Variants in PIK3C3 observed in about 807,000 individuals in gnomAD.
PIK3C3 encodes PI3-kinase type 3.
PIK3C3 carries 95 observed loss-of-function variants against 126.1 expected under a neutral mutation model. The observed-to-expected ratio is 0.75, with a 90% CI of 0.64 to 0.89. The LOEUF is 0.89. Ranked by LOEUF, PIK3C3 falls within the 40% of genes least tolerant of loss-of-function variation. PIK3C3 has a pLI of 0.00. For missense variants in PIK3C3, 829 were observed against 1,063.2 expected (o/e 0.78, Z 3.06); for synonymous variants, 374 against 360.0 (o/e 1.04, Z -0.44).
intron 16 of PIK3C3, among the ~76,000 whole-genome samples, chr18:42,037,466 A>C (rs1053191183): frequency 7.9e-5 from 12 of 152,174 alleles, no homozygotes; most frequent in Non-Finnish European, 1.0e-4. Flanking sequence ...TAACCACATG[A>C]CTGATTGCAG....
chr18:42,007,939 T>C (rs1010915169), intron 10 of PIK3C3, among the ~76,000 whole-genome samples: 1 of 152,322 alleles, frequency 6.6e-6, no homozygotes, highest in African/African-American at 2.4e-5. Flanking sequence ...AATGCTCTCA[T>C]TTATGTTTAA....
chr18:42,015,975 A>G (rs990117790), intron 12 of PIK3C3, among the ~76,000 whole-genome samples: 2 of 152,164 alleles, frequency 1.3e-5, no homozygotes, highest in Non-Finnish European at 1.5e-5. Flanking sequence ...ATATAAGTAG[A>G]CACATTTTTG....
At chr18:42,053,977 C>T (rs1174673721) in intron 21 of PIK3C3, among the ~76,000 whole-genome samples, 1 of 151,068 alleles carries the variant, frequency 6.6e-6, no homozygotes, top group Non-Finnish European at 1.5e-5. Flanking sequence ...TTTCTGTCTG[C>T]CTTGCCACTT....
At chr18:42,076,131 T>TATATATATGCAC (rs1568013638) in intron 24 of PIK3C3, among the ~76,000 whole-genome samples, 50 of 83,432 alleles carry the variant, frequency 6.0e-4, no homozygotes, top group East Asian at 1.2e-3. Context: ...TGCGCATATA[T>TATATATATGCAC]ATATATATAT....
At chr18:41,983,636 C>T (rs552476178) in intron 4 of PIK3C3, among the ~76,000 whole-genome samples, 3 of 152,074 alleles carry the variant, frequency 2.0e-5, no homozygotes, top group Non-Finnish European at 4.4e-5. Flanking sequence ...TTCTAATGAT[C>T]GTGGAAGTCT....
intron 24 of PIK3C3, among the ~76,000 whole-genome samples, chr18:42,076,744 A>G (rs1986049065): frequency 6.6e-6 from 1 of 152,212 alleles, no homozygotes; most frequent in South Asian, 2.1e-4. Flanking sequence ...TCATTCATAC[A>G]AATTTAATTT....
intron 13 of PIK3C3, among the ~76,000 whole-genome samples, chr18:42,023,947 T>A (rs1983440016): frequency 6.6e-6 from 1 of 152,170 alleles, no homozygotes; most frequent in Non-Finnish European, 1.5e-5. Context: ...ACAATCCTTT[T>A]AAAATGAATA....
chr18:41,977,910 G>A (rs1981009312), intron 4 of PIK3C3, among the ~76,000 whole-genome samples: 1 of 152,130 alleles, frequency 6.6e-6, no homozygotes, highest in African/African-American at 2.4e-5. Flanking sequence ...TTTTTCAGAA[G>A]TTTGAGGAAA....
At chr18:41,975,798 C>T (rs1285507908) in intron 4 of PIK3C3, among the ~76,000 whole-genome samples, 1 of 150,986 alleles carries the variant, frequency 6.6e-6, no homozygotes, top group Non-Finnish European at 1.5e-5. Flanking sequence ...CTCCCAAGTT[C>T]ATGCCATTCT....
chr18:41,966,198 T>C (rs76209627), intron 3 of PIK3C3, among the ~76,000 whole-genome samples: 26,931 of 142,520 alleles, frequency 0.19, 1,021 homozygotes, highest in South Asian at 0.33. Flanking sequence ...TTTTTTTTTT[T>C]TTGAGATGGA....
intron 4 of PIK3C3, chr18:41,985,226 T>A (rs1196709894): frequency 4.6e-5 from 7 of 152,130 alleles, no homozygotes; most frequent in Non-Finnish European, 1.0e-4. Flanking sequence ...AAGATGATTT[T>A]GCCAAAAAAA....
intron 8 of PIK3C3, 25 bp from the exon 9 acceptor site, chr18:41,996,613 A>T (rs1310362332): frequency 1.4e-5 from 17 of 1,192,788 alleles, no homozygotes; most frequent in Non-Finnish European, 2.0e-5. Context: ...TGACAAAATT[A>T]GTTCTTTTTC....
chr18:42,041,018 C>G (rs1984290645), intron 19 of PIK3C3, among the ~76,000 whole-genome samples: 1 of 151,986 alleles, frequency 6.6e-6, no homozygotes, highest in Non-Finnish European at 1.5e-5. Flanking sequence ...CCTGTCTCTG[C>G]TAAACTCACA....
intron 12 of PIK3C3, among the ~76,000 whole-genome samples, chr18:42,016,111 A>G (rs1037305695): frequency 1.3e-5 from 2 of 152,176 alleles, no homozygotes; most frequent in African/African-American, 4.8e-5. Context: ...GAAATCATTA[A>G]TATCTCTGAT....
At chr18:42,009,081 G>GTTTAA (rs1982682322) in intron 10 of PIK3C3, among the ~76,000 whole-genome samples, 1 of 152,040 alleles carries the variant, frequency 6.6e-6, no homozygotes. Flanking sequence ...TAAACATATT[G>GTTTAA]TTTAATTTTC....
intron 4 of PIK3C3, among the ~76,000 whole-genome samples, chr18:41,972,533 A>C (rs997253173): frequency 1.3e-5 from 2 of 152,110 alleles, no homozygotes; most frequent in East Asian, 1.9e-4. Flanking sequence ...TCCTGATAGT[A>C]ATTGGAGCCT....
At chr18:42,016,175 AGT>A (rs1460062934) in intron 12 of PIK3C3, among the ~76,000 whole-genome samples, 2 of 152,168 alleles carry the variant, frequency 1.3e-5, no homozygotes, top group African/African-American at 2.4e-5. Context: ...GTGATTTTTC[AGT>A]GTGTGTATAT....
chr18:42,081,202 A>G lies in PIK3C3; in HGVS notation c.*65A>G. 9.4e-7 allele frequency: 1 copy of G among 1,065,320 alleles called. No homozygotes were observed. The highest frequency in any genetic ancestry group is 1.4e-6 in the Non-Finnish European group (1 of 709,928). The allele number at this position is 1,065,320 out of a possible 1,614,324, so 66.0% of individuals were successfully genotyped here. A position where few individuals can be genotyped will look rare whatever the true frequency, so the allele number is the denominator to read the frequency against. The stretch of plus-strand genomic sequence containing the variant: ...AAACCACGTTAGGAGCAACCTTTGT[A>G]TATTGGAGACTTCAGAGTAACCAGC... On this transcript the variant is annotated 3_prime_UTR_variant, in exon 25 of 25. Coordinates refer to ENST00000262039, the MANE Select transcript of PIK3C3 (RefSeq NM_002647.4).
At chr18:41,979,167 C>T (rs1175271732) in intron 4 of PIK3C3, among the ~76,000 whole-genome samples, 1 of 150,798 alleles carries the variant, frequency 6.6e-6, no homozygotes, top group Non-Finnish European at 1.5e-5. Context: ...TGTCTGAGAA[C>T]TGAGCTTCTG....
Sources: gnomAD v4.1 joint callset for allele counts (sites outside exome capture counted in the v4.1 genomes callset) on GRCh38, gnomAD v4.1.1 for gene constraint, MANE v1.5 for transcripts, NCBI Gene and HGNC (gene_info 2026-07-23, HGNC 2026-07-21) for gene names.